The following RFTN1 variants were observed in gnomAD, a reference collection of about 807,000 sequenced individuals.
RFTN1 encodes the protein raftlin, lipid raft linker 1.
In RFTN1, 26 loss-of-function variants were observed where a neutral mutation model predicts 46.5. The observed-to-expected ratio is 0.56, with a 90% CI of 0.41 to 0.78. The LOEUF is 0.78. Among genes scored for constraint, RFTN1 ranks in the 30% least tolerant of loss-of-function variants. The probability of loss-of-function intolerance (pLI) is 0.00; values close to 1 mark genes in which losing one functional copy is unlikely to be tolerated. For synonymous variants in RFTN1, 261 were observed against 284.2 expected (o/e 0.92, Z 0.82); for missense variants, 693 against 718.7 (o/e 0.96, Z 0.41).
rs908598468 is a variant in RFTN1 at position 16,513,085 on chromosome 3, C to G, written c.-9+357G>C. 12 of 152,784 alleles carry G rather than the reference C, an allele frequency of 7.9e-5. No individual in the cohort carries two copies. Among genetic ancestry groups the G allele is most frequent in the African/African-American group, 2.9e-4 (12 of 41,578 alleles). 9.5% of individuals were successfully genotyped at this position (152,784 alleles called of 1,614,324 possible). On this transcript the variant is annotated intron_variant, in intron 1 of 9. Coordinates refer to ENST00000334133, the MANE Select transcript of RFTN1 (RefSeq NM_015150.2). The surrounding 1 kb of genome is among the most constrained non-coding windows in gnomAD (Gnocchi z 5.4). ...CCTGGACCCACCTGTAGCCTCCAAGCTCCCCCACCTCTGCGTCCTTCCTAG... is the reference window on the plus strand; with the variant it reads ...CCTGGACCCACCTGTAGCCTCCAAGGTCCCCCACCTCTGCGTCCTTCCTAG...
intron 1 of RFTN1, among the ~76,000 whole-genome samples, chr3:16,501,573 C>T (rs186223789): frequency 6.6e-6 from 1 of 152,322 alleles, no homozygotes; most frequent in Non-Finnish European, 1.5e-5. Flanking sequence ...CAGCTCGTGA[C>T]AAGCAACCAG....
At position 16,504,997 on chromosome 3, in the gene RFTN1, T is replaced by C. The variant is rs1026031621; in HGVS notation, c.-9+8445A>G. The stretch of plus-strand genomic sequence containing the variant: ...TCCCGCCACCATCCTCACCCTGACA[T>C]TGGCCCATCCAGAGCTGGTGGATGC... On this transcript the variant is annotated intron_variant, in intron 1 of 9. Coordinates refer to ENST00000334133, the MANE Select transcript of RFTN1 (RefSeq NM_015150.2). The surrounding 1 kb of genome is among the most constrained non-coding windows in gnomAD (Gnocchi z 4.4). Among the ~76,000 whole-genome samples, 2 of 152,188 alleles carry C rather than the reference T, an allele frequency of 1.3e-5. No homozygotes were observed. The highest frequency in any genetic ancestry group is 2.4e-5 in the African/African-American group (1 of 41,460).
At chr3:16,472,198 A>G (rs1013059799) in intron 2 of RFTN1, 1 of 151,942 alleles carries the variant, frequency 6.6e-6, no homozygotes, top group Non-Finnish European at 1.5e-5. Context: ...GGATTGTTAT[A>G]CCTGTTTGTG....
chr3:16,322,479 C>A lies in RFTN1; in HGVS notation c.1332+897G>T, dbSNP rs1444806784. Among the ~76,000 whole-genome samples the A allele has an allele frequency of 3.3e-5, 5 of 152,336 alleles. No individual in the cohort carries two copies. In the East Asian group the frequency reaches 9.7e-4, roughly 29 times the overall value. ...GGAGTGAGGAGCCGAGCAGGTCAGG[C>A]AGGCCCTGCCGAGAATGTGGCCTCA... On this transcript the variant is annotated intron_variant, in intron 9 of 9. Coordinates refer to ENST00000334133, the MANE Select transcript of RFTN1 (RefSeq NM_015150.2). The surrounding 1 kb of genome is among the most constrained non-coding windows in gnomAD (Gnocchi z 6.2).
intron 4 of RFTN1, among the ~76,000 whole-genome samples, chr3:16,390,169 C>G (rs941254884): frequency 3.5e-4 from 54 of 152,266 alleles, no homozygotes; most frequent in African/African-American, 1.2e-3. Flanking sequence ...TGTTTAAAGC[C>G]AATATGTTTT....
chr3:16,375,323 C>T (rs577644722), intron 5 of RFTN1, among the ~76,000 whole-genome samples: 7 of 151,980 alleles, frequency 4.6e-5, no homozygotes, highest in South Asian at 2.1e-4. Context: ...GGTCCCTGGA[C>T]GTTCAGCCTT....
chr3:16,375,851 G>T (rs998112918), intron 5 of RFTN1, among the ~76,000 whole-genome samples: 7 of 152,194 alleles, frequency 4.6e-5, no homozygotes, highest in African/African-American at 1.7e-4. Context: ...GAGAGAACAG[G>T]GACTTGGGTG....
At chr3:16,476,751 G>GGT (rs1206749299) in intron 2 of RFTN1, among the ~76,000 whole-genome samples, 1 of 152,146 alleles carries the variant, frequency 6.6e-6, no homozygotes. Context: ...CCATCGTGGG[G>GGT]GAAACTGTTT....
chr3:16,481,480 C>G lies in RFTN1; in HGVS notation c.145+12245G>C, dbSNP rs979096553. ...CCAGAACCTCAACTCATAACTCATG[C>G]CATTGACTTCCTTGCATGAATCTCA... On this transcript the variant is annotated intron_variant, in intron 2 of 9. Coordinates refer to ENST00000334133, the MANE Select transcript of RFTN1 (RefSeq NM_015150.2). The surrounding 1 kb of genome is among the most constrained non-coding windows in gnomAD (Gnocchi z 5.1). 8.5e-5 allele frequency among the ~76,000 whole-genome samples: 13 copies of G among 152,164 alleles called. No individual in the cohort carries two copies. The highest frequency in any genetic ancestry group is 2.9e-4 in the African/African-American group (12 of 41,430).
chr3:16,374,760 C>T lies in RFTN1; in HGVS notation c.826+2958G>A, dbSNP rs540072991. Among the ~76,000 whole-genome samples, 76 of 152,330 alleles carry T rather than the reference C, an allele frequency of 5.0e-4. No homozygotes were observed. The highest frequency in any genetic ancestry group is 1.8e-3 in the African/African-American group (75 of 41,576). ...CACTGAGGCTGTCCCTGCACAGGCT[C>T]AGGTGATCACGGCACAGCACGGACC... On this transcript the variant is annotated intron_variant, in intron 5 of 9. Transcript: ENST00000334133. The surrounding 1 kb of genome is among the most constrained non-coding windows in gnomAD (Gnocchi z 5.4).
chr3:16,335,020 A>T lies in RFTN1; in HGVS notation c.1147-8144T>A, dbSNP rs76621921. Among the ~76,000 whole-genome samples the T allele has an allele frequency of 0.015, 2,324 of 152,314 alleles. 72 individuals are homozygous for T. The highest frequency in any genetic ancestry group is 0.11 in the East Asian group (573 of 5,190). ...AATGGTCGGTAACAGATTGTCTCCT[A>T]AAAGTCTCCACAAAGAATGTGGTCC... On this transcript the variant is annotated intron_variant, in intron 7 of 9. Coordinates refer to ENST00000334133, the MANE Select transcript of RFTN1 (RefSeq NM_015150.2). This position sits in a 1 kb window ranked among gnomAD's most constrained non-coding sequence, Gnocchi z 4.7.
Position 16,504,360 on chromosome 3 carries a change from C to T in RFTN1, c.-9+9082G>A, listed in dbSNP as rs1216969845. ...CTTGGAACCACACTGAACACCACCA[C>T]CCTCATTTTCAGTTCCACACTGATT... On this transcript the variant is annotated intron_variant, in intron 1 of 9. Coordinates refer to ENST00000334133, the MANE Select transcript of RFTN1 (RefSeq NM_015150.2). The surrounding 1 kb of genome is among the most constrained non-coding windows in gnomAD (Gnocchi z 4.4). Among the ~76,000 whole-genome samples the T allele has an allele frequency of 6.6e-6, 1 of 152,186 alleles. No homozygotes were observed. The highest frequency in any genetic ancestry group is 1.5e-5 in the Non-Finnish European group (1 of 68,038).
At position 16,393,663 on chromosome 3, in the gene RFTN1, A is replaced by AT. The variant is rs1559319361; in HGVS notation, c.442-15562_442-15561insA. 2.8e-3 allele frequency among the ~76,000 whole-genome samples: 343 copies of AT among 122,984 alleles called. 6 individuals carry two copies. Among genetic ancestry groups the AT allele is most frequent in the Non-Finnish European group, 1.1e-3 (69 of 61,300 alleles). The allele number at this position is 122,984 out of a possible 152,430, so 80.7% of individuals were successfully genotyped here. On this transcript the variant is annotated intron_variant, in intron 4 of 9. Coordinates refer to ENST00000334133, the MANE Select transcript of RFTN1 (RefSeq NM_015150.2). ...ATAAGCTGATGGACTTTTTTTTTTT[A>AT]ATTTTTTTTTTTTCAGATGGAGTCT...
rs879751887 is a variant in RFTN1, at chr3:16,450,616, C to CT, written c.146-16580dup. On this transcript the variant is annotated intron_variant, in intron 2 of 9. Transcript: ENST00000334133. The surrounding 1 kb of genome is among the most constrained non-coding windows in gnomAD (Gnocchi z 4.6). The stretch of plus-strand genomic sequence containing the variant: ...CTTGGCCTGTCTCTACCTCCTGTCT[C>CT]TAACTGCTCCTGAGGCAGGACAGGC... Among the ~76,000 whole-genome samples the CT allele has an allele frequency of 7.9e-5, 12 of 152,200 alleles. No individual in the cohort carries two copies. Among genetic ancestry groups the CT allele is most frequent in the Non-Finnish European group, 1.6e-4 (11 of 68,032 alleles).
intron 2 of RFTN1, among the ~76,000 whole-genome samples, chr3:16,453,227 C>T (rs748253889): frequency 9.2e-5 from 14 of 152,210 alleles, no homozygotes; most frequent in Non-Finnish European, 1.9e-4. Context: ...AGCCTATGCT[C>T]TTAACCTCTA....
chr3:16,481,028 C>CACACAT lies in RFTN1; in HGVS notation c.145+12696_145+12697insATGTGT, dbSNP rs1369737116. Among the ~76,000 whole-genome samples the CACACAT allele has an allele frequency of 6.6e-6, 1 of 151,586 alleles. No individual in the cohort carries two copies. Among genetic ancestry groups the CACACAT allele is most frequent in the Admixed American group, 6.6e-5 (1 of 15,206 alleles). ...ACACACACACACACACACACACACA[C>CACACAT]ACCTGAGCCCATTTTCATACAAGAC... On this transcript the variant is annotated intron_variant, in intron 2 of 9. Transcript: ENST00000334133. The surrounding 1 kb of genome is among the most constrained non-coding windows in gnomAD (Gnocchi z 5.1).
At chr3:16,324,747 C>A (rs1399948721) in intron 8 of RFTN1, among the ~76,000 whole-genome samples, 1 of 141,850 alleles carries the variant, frequency 7.0e-6, no homozygotes, top group Non-Finnish European at 1.5e-5. Context: ...AAGTTGTTTC[C>A]ATTTCTTAGC....
At chr3:16,511,847 A>G (rs2076907175) in intron 1 of RFTN1, among the ~76,000 whole-genome samples, 1 of 152,094 alleles carries the variant, frequency 6.6e-6, no homozygotes. Flanking sequence ...TACCAAATCT[A>G]CTAGCTAACT....
chr3:16,476,746 G>A (rs759619744), intron 2 of RFTN1, among the ~76,000 whole-genome samples: 3 of 152,194 alleles, frequency 2.0e-5, no homozygotes, highest in Non-Finnish European at 2.9e-5. Context: ...ACTCACCATC[G>A]TGGGGGAAAC....
Sources: allele counts gnomAD v4.1 joint callset (sites outside exome capture counted in the v4.1 genomes callset), GRCh38; gene constraint gnomAD v4.1.1; non-coding constraint Gnocchi (gnomAD v3.1); transcripts MANE v1.5; gene names NCBI Gene and HGNC (gene_info 2026-07-23, HGNC 2026-07-21).